ERC2: variants seen among roughly 807,000 people sequenced by gnomAD.
The protein encoded by ERC2 is ERC protein 2.
Under a neutral mutation model 114.8 loss-of-function variants are expected in ERC2, and 42 were observed. That is an observed-to-expected ratio of 0.37 (90% CI 0.29 to 0.47). The LOEUF is 0.47. Ranked by LOEUF, ERC2 falls within the 20% of genes least tolerant of loss-of-function variation. ERC2 has a pLI of 0.99. For missense variants in ERC2, 939 were observed against 1,150.7 expected, an observed-to-expected ratio of 0.82 and a Z score of 2.66; for synonymous variants, 454 against 425.5, an observed-to-expected ratio of 1.07 and a Z score of -0.82.
chr3:56,104,967 CAGGG>C (rs750837368), intron 6 of ERC2, among the ~76,000 whole-genome samples: 20,339 of 151,786 alleles, frequency 0.13, 1,453 homozygotes, highest in East Asian at 0.15. Context: ...CAGTTTTAAA[CAGGG>C]AGATCAGTGT....
chr3:55,862,650 A>C (rs2062082865), intron 14 of ERC2, among the ~76,000 whole-genome samples: 1 of 152,242 alleles, frequency 6.6e-6, no homozygotes, highest in African/African-American at 2.4e-5. Flanking sequence ...GGCCTAGAAG[A>C]AGCTACAGAG....
intron 15 of ERC2, among the ~76,000 whole-genome samples, chr3:55,731,091 T>A (rs1368999399): frequency 6.6e-6 from 1 of 152,210 alleles, no homozygotes; most frequent in African/African-American, 2.4e-5. Flanking sequence ...ACCAAGTACA[T>A]GCGCAAGTAC....
At chr3:55,940,484 C>T (rs2066719274) in intron 13 of ERC2, among the ~76,000 whole-genome samples, 1 of 152,090 alleles carries the variant, frequency 6.6e-6, no homozygotes, top group African/African-American at 2.4e-5. Context: ...GCAGCCACAA[C>T]TTCATTGTTA....
At chr3:55,781,434 G>A (rs2149051780) in intron 14 of ERC2, among the ~76,000 whole-genome samples, 1 of 152,136 alleles carries the variant, frequency 6.6e-6, no homozygotes, top group Non-Finnish European at 1.5e-5. Context: ...AAGCCTGGGG[G>A]AAGAAACATT....
At chr3:56,384,935 G>C (rs571627245) in intron 2 of ERC2, among the ~76,000 whole-genome samples, 1 of 152,160 alleles carries the variant, frequency 6.6e-6, no homozygotes, top group East Asian at 1.9e-4. Context: ...TTGTTGAAAT[G>C]ATGGTCCTTT....
At chr3:55,862,507 T>A (rs190889583) in intron 14 of ERC2, among the ~76,000 whole-genome samples, 23 of 152,290 alleles carry the variant, frequency 1.5e-4, no homozygotes, top group Admixed American at 6.5e-4. Flanking sequence ...TAAACTAGGA[T>A]GGCCTAGTTT....
At chr3:56,295,557 C>A (rs1192597611) in intron 3 of ERC2, among the ~76,000 whole-genome samples, 1 of 152,220 alleles carries the variant, frequency 6.6e-6, no homozygotes, top group Admixed American at 6.5e-5. Flanking sequence ...TTGGTCTGTG[C>A]ATTTTACCAT....
intron 17 of ERC2, among the ~76,000 whole-genome samples, chr3:55,620,566 T>G (rs2059286017): frequency 6.6e-6 from 1 of 152,206 alleles, no homozygotes; most frequent in Non-Finnish European, 1.5e-5. Flanking sequence ...GCTTCCTCTG[T>G]GCCCCATAAT....
chr3:56,325,644 C>T (rs1331199525), intron 2 of ERC2, among the ~76,000 whole-genome samples: 1 of 152,132 alleles, frequency 6.6e-6, no homozygotes, highest in East Asian at 1.9e-4. Context: ...AAGACAGATG[C>T]TGTATGGATC....
chr3:55,961,707 TA>T (rs34157230), intron 12 of ERC2, among the ~76,000 whole-genome samples: 54,470 of 151,956 alleles, frequency 0.36, 9,981 homozygotes, highest in Admixed American at 0.47. Context: ...TGTGAATTCT[TA>T]AAATTATTTA....
chr3:56,076,243 G>A (rs1340909548), intron 7 of ERC2, among the ~76,000 whole-genome samples: 1 of 152,084 alleles, frequency 6.6e-6, no homozygotes, highest in Non-Finnish European at 1.5e-5. Flanking sequence ...CTAAGGCCTA[G>A]AAAGAAAATG....
intron 14 of ERC2, among the ~76,000 whole-genome samples, chr3:55,864,972 T>TA (rs1355491539): frequency 1.3e-5 from 2 of 152,164 alleles, no homozygotes; most frequent in Non-Finnish European, 2.9e-5. Context: ...AGTCCTTACT[T>TA]AGTCTCTTTT....
chr3:55,858,040 G>C (rs2061866096), intron 14 of ERC2, among the ~76,000 whole-genome samples: 1 of 152,118 alleles, frequency 6.6e-6, no homozygotes, highest in Admixed American at 6.5e-5. Flanking sequence ...TTTATAGAAA[G>C]AGCAGTAATT....
At position 55,789,289 on chromosome 3, in the gene ERC2, C is replaced by T. The variant is rs144080107; in HGVS notation, c.2565-54371G>A. ...TTACTGCTTCCTAGGGCCATGGATGCCGTGTTTTTTCCAAGTCCATAGGGA... is the reference window on the plus strand; with the variant it reads ...TTACTGCTTCCTAGGGCCATGGATGTCGTGTTTTTTCCAAGTCCATAGGGA... On this transcript the variant is annotated intron_variant, in intron 14 of 17. Coordinates refer to ENST00000288221, the MANE Select transcript of ERC2 (RefSeq NM_015576.3). Among the ~76,000 whole-genome samples the T allele has an allele frequency of 1.5e-3, 236 of 152,282 alleles. 2 individuals are homozygous for T. The East Asian group carries it at 0.024, about 16-fold the overall frequency.
chr3:56,156,306 C>T (rs1485753958), intron 4 of ERC2, among the ~76,000 whole-genome samples: 2 of 152,104 alleles, frequency 1.3e-5, no homozygotes, highest in East Asian at 3.9e-4. Flanking sequence ...GTTAAGATGG[C>T]ATTGGTGACA....
At chr3:56,232,479 T>C (rs1402328748) in intron 3 of ERC2, among the ~76,000 whole-genome samples, 3 of 152,178 alleles carry the variant, frequency 2.0e-5, no homozygotes, top group Non-Finnish European at 2.9e-5. Context: ...TTCTTTTATC[T>C]TTCAGAAAAC....
intron 10 of ERC2, among the ~76,000 whole-genome samples, chr3:55,993,963 C>A (rs895101134): frequency 6.6e-6 from 1 of 151,958 alleles, no homozygotes; most frequent in Non-Finnish European, 1.5e-5. Context: ...AGCAGAAATT[C>A]TATTTTAAAA....
intron 2 of ERC2, among the ~76,000 whole-genome samples, chr3:56,431,432 T>G (rs1376031288): frequency 1.3e-5 from 2 of 152,218 alleles, no homozygotes; most frequent in African/African-American, 4.8e-5. Context: ...GTGGCAACGT[T>G]TGAAGCCATG....
chr3:55,865,223 ATAAG>A lies in ERC2; in HGVS notation c.2564+23162_2564+23165del, dbSNP rs67700649. Among the ~76,000 whole-genome samples, 833 of 152,260 alleles carry A rather than the reference ATAAG, an allele frequency of 5.5e-3. 8 individuals carry two copies. Among genetic ancestry groups the A allele is most frequent in the African/African-American group, 0.019 (793 of 41,566 alleles). On this transcript the variant is annotated intron_variant, in intron 14 of 17. Transcript: ENST00000288221. ...ACTTACTACAAGACTCAAAATAAAT[ATAAG>A]TTGATTGAATTCAAATGAGTGAGTT...
Sources: gnomAD v4.1 joint callset for allele counts (sites outside exome capture counted in the v4.1 genomes callset) on GRCh38, gnomAD v4.1.1 for gene constraint, MANE v1.5 for transcripts, NCBI Gene and HGNC (gene_info 2026-07-23, HGNC 2026-07-21) for gene names.